Variants in GADD45B observed in about 807,000 individuals in gnomAD.
GADD45B encodes growth arrest and DNA damage inducible beta, also known as growth arrest and DNA damage-inducible protein GADD45 beta.
GADD45B carries 8 observed loss-of-function variants against 15.2 expected under a neutral mutation model. The ratio of observed to expected loss-of-function variants is 0.53; its 90% CI spans 0.31 to 0.95. The LOEUF (loss-of-function observed/expected upper bound fraction) is 0.95, where lower values mean the gene tolerates loss of function less well. GADD45B is among the 40% of genes least tolerant of loss of function. GADD45B has a pLI of 0.05. For missense variants in GADD45B, 162 were observed against 216.6 expected (o/e 0.75, Z 1.58); for synonymous variants, 100 against 89.8 (o/e 1.11, Z -0.64).
intron 2 of GADD45B, 189 bp from the exon 3 acceptor site, chr19:2,476,840 C>G (rs1181318996): frequency 3.3e-6 from 2 of 607,880 alleles, no homozygotes; most frequent in African/African-American, 3.7e-5. Context: ...GTGGGCCTGT[C>G]TCCCCCTACC....
intron 2 of GADD45B, 133 bp from the exon 3 acceptor site, chr19:2,476,896 C>A: frequency 1.6e-6 from 1 of 638,384 alleles, no homozygotes; most frequent in Non-Finnish European, 2.7e-6. Context: ...CCGTCACCAG[C>A]TTGCAGAGGC....
In GADD45B at chr19:2,477,078, G is replaced by C; in HGVS notation, c.196G>C (p.Glu66Gln). The C allele has an allele frequency of 6.2e-7, 1 of 1,614,028 alleles. No individual in the cohort carries two copies. ...CCTCTTGGCCATTGACGAGGAGGAG[G>C]AGGATGACATCGCCCTGCAAATCCA... is the stretch of plus-strand genomic sequence containing the variant. The part of the protein sequence containing the change: ...LCLLAIDEEE[E>Q]DDIALQIHFT... Residue 66 changes from glutamate (E) to glutamine (Q), a missense_variant, in exon 3 of 4, where the codon GAG becomes CAG. By Grantham distance (29) the Glu-to-Gln change is conservative. Transcript: ENST00000215631. The surrounding 1 kb of genome is among the most constrained non-coding windows in gnomAD (Gnocchi z 4.2).
In GADD45B at chr19:2,477,690, C is replaced by G; in HGVS notation, c.*89C>G. ...GAACCCCCTCCCCCCCAGCACAACCCCCCCAAAACAACCCAACCCACGAGG... is the reference window on the plus strand; with the variant it reads ...GAACCCCCTCCCCCCCAGCACAACCGCCCCAAAACAACCCAACCCACGAGG... On this transcript the variant is annotated 3_prime_UTR_variant, in exon 4 of 4. Coordinates refer to ENST00000215631, the MANE Select transcript of GADD45B (RefSeq NM_015675.4). This position sits in a 1 kb window ranked among gnomAD's most constrained non-coding sequence, Gnocchi z 4.2. 1 of 618,916 alleles carries G rather than the reference C, an allele frequency of 1.6e-6. No individual in the cohort carries two copies. The allele number at this position is 618,916 out of a possible 1,614,324, so 38.3% of individuals were successfully genotyped here. A position where few individuals can be genotyped will look rare whatever the true frequency, so the allele number is the denominator to read the frequency against.
chr19:2,477,276 C>A lies in GADD45B; in HGVS notation c.369+25C>A. On this transcript the variant is annotated intron_variant, in intron 3 of 3. Transcript: ENST00000215631. The surrounding 1 kb of genome is among the most constrained non-coding windows in gnomAD (Gnocchi z 4.2). ...GGTGAGTCGGGCCTCTGCCCTGCCCCGCCACGCCCGGGCACCTGGGCCGGT... is the reference window on the plus strand; with the variant it reads ...GGTGAGTCGGGCCTCTGCCCTGCCCAGCCACGCCCGGGCACCTGGGCCGGT... The A allele has an allele frequency of 6.9e-7, 1 of 1,457,776 alleles. No homozygotes were observed. Among genetic ancestry groups the A allele is most frequent in the Non-Finnish European group, 9.3e-7 (1 of 1,076,854 alleles). The allele number at this position is 1,457,776 out of a possible 1,614,324, so 90.3% of individuals were successfully genotyped here.
Position 2,476,999 on chromosome 19 carries a change from T to G in GADD45B, c.147-30T>G, listed in dbSNP as rs559990934. Reference sequence around the variant, plus strand: ...CGGTGGCCCCTCCCCTGTCCCCGGCTGACCCATCCCTACCCTTTGGCCCCC... The same window carrying G: ...CGGTGGCCCCTCCCCTGTCCCCGGCGGACCCATCCCTACCCTTTGGCCCCC... On this transcript the variant is annotated intron_variant, in intron 2 of 3. Transcript: ENST00000215631. 5 of 1,495,780 alleles carry G rather than the reference T, an allele frequency of 3.3e-6. 1 individual carries two copies. In the East Asian group the frequency reaches 1.1e-4, roughly 34 times the overall value. The allele number at this position is 1,495,780 out of a possible 1,614,324, so 92.7% of individuals were successfully genotyped here.
Position 2,477,205 on chromosome 19 carries a change from C to T in GADD45B, c.323C>T (p.Thr108Ile). 5 of 1,606,638 alleles carry T rather than the reference C, an allele frequency of 3.1e-6. No individual in the cohort carries two copies. Among genetic ancestry groups the T allele is most frequent in the Non-Finnish European group, 4.2e-6 (5 of 1,178,870 alleles). ...CAGCTCCTGGGAGAGCCGGCCGAGA[C>T]CCAGGGCACCACCGAGGCCCGAGAC... The part of the protein sequence containing the change: ...LAQLLGEPAE[T>I]QGTTEARDLH... The change falls in exon 3 of 4, where the codon ACC (threonine) becomes ATC (isoleucine). Residue 108 changes from threonine to isoleucine, a missense_variant. By Grantham distance (89) the Thr-to-Ile change is moderately conservative. Transcript: ENST00000215631. The surrounding 1 kb of genome is among the most constrained non-coding windows in gnomAD (Gnocchi z 4.2).
chr19:2,477,719 A>G lies in GADD45B; in HGVS notation c.*118A>G. On this transcript the variant is annotated 3_prime_UTR_variant, in exon 4 of 4. Transcript: ENST00000215631. This position sits in a 1 kb window ranked among gnomAD's most constrained non-coding sequence, Gnocchi z 4.2. ...CAAAACAACCCAACCCACGAGGACC[A>G]TCGGGGGCAGAGTCGTTGGAGACTG... 1 of 498,468 alleles carries G rather than the reference A, an allele frequency of 2.0e-6. No homozygotes were observed. The highest frequency in any genetic ancestry group is 3.7e-6 in the Non-Finnish European group (1 of 272,088). The allele number at this position is 498,468 out of a possible 1,614,324, so 30.9% of individuals were successfully genotyped here.
rs1411858425 is a variant in GADD45B at position 2,477,597 on chromosome 19, G to T, written c.479G>T (p.Arg160Leu). Residue 160 changes from arginine to leucine, a missense_variant, in exon 4 of 4, where the codon CGC (arginine) becomes CTC (leucine). Transcript: ENST00000215631. This position sits in a 1 kb window ranked among gnomAD's most constrained non-coding sequence, Gnocchi z 4.2. ...QWVPYISLQE[R>L] ...GTCCCCTACATCTCTCTTCAGGAAC[G>T]CTGAGGCCCTTCCCAGCAGCAGAAT... is the stretch of plus-strand genomic sequence containing the variant. 1 of 1,562,812 alleles carries T rather than the reference G, an allele frequency of 6.4e-7. No homozygotes were observed. Among genetic ancestry groups the T allele is most frequent in the Non-Finnish European group, 8.8e-7 (1 of 1,133,770 alleles).
intron 2 of GADD45B, 174 bp downstream of exon 2, chr19:2,476,804 T>C (rs1393145280): frequency 1.6e-6 from 1 of 612,258 alleles, no homozygotes; most frequent in Non-Finnish European, 2.9e-6. Flanking sequence ...TATCCTGATG[T>C]ATCGTCTGCA....
In GADD45B at chr19:2,477,538, C is replaced by T. The variant is rs777805528; in HGVS notation, c.420C>T (p.Ser140=). 6.8e-6 allele frequency: 11 copies of T among 1,613,770 alleles called. No individual in the cohort carries two copies. In the South Asian group the frequency reaches 1.2e-4, roughly 18 times the overall value. Residue 140 remains serine (S), a synonymous_variant, in exon 4 of 4, where the codon AGC becomes AGT. Transcript: ENST00000215631. This position sits in a 1 kb window ranked among gnomAD's most constrained non-coding sequence, Gnocchi z 4.2. ...WKSHGLVEVA[S]YCEESRGNNQ... ...GCCACGGCTTGGTGGAGGTGGCCAG[C>T]TACTGCGAAGAAAGCCGGGGCAACA...
chr19:2,477,061 C>G lies in GADD45B; in HGVS notation c.179C>G (p.Ala60Gly). The G allele has an allele frequency of 2.5e-6, 4 of 1,613,660 alleles. No individual in the cohort carries two copies. The highest frequency in any genetic ancestry group is 1.3e-5 in the African/African-American group (1 of 75,036). Residue 60 changes from alanine (A) to glycine (G), a missense_variant, in exon 3 of 4, where the codon GCC becomes GGC. Coordinates refer to ENST00000215631, the MANE Select transcript of GADD45B (RefSeq NM_015675.4). This position sits in a 1 kb window ranked among gnomAD's most constrained non-coding sequence, Gnocchi z 4.2. The part of the protein sequence containing the change: ...DPDSVVLCLL[A>G]IDEEEEDDIA... ...GACAGCGTGGTCCTCTGCCTCTTGG[C>G]CATTGACGAGGAGGAGGAGGATGAC...
chr19:2,476,599 G>C lies in GADD45B; in HGVS notation c.115G>C (p.Gly39Arg). The change falls in exon 2 of 4, where the codon GGG becomes CGG. Residue 39 changes from glycine (G) to arginine (R), a missense_variant. By Grantham distance (125) the Gly-to-Arg change is moderately radical. Coordinates refer to ENST00000215631, the MANE Select transcript of GADD45B (RefSeq NM_015675.4). ...AAQRQDRLTV[G>R]VYESAKLMNV... is the part of the protein sequence containing the mutation. The stretch of plus-strand genomic sequence containing the variant: ...TCAGCGCCAGGATCGCCTCACAGTG[G>C]GGGTGTACGAGTCGGCCAAGTTGAT... 5.7e-6 allele frequency: 9 copies of C among 1,591,314 alleles called. No homozygotes were observed. Among genetic ancestry groups the C allele is most frequent in the Non-Finnish European group, 7.7e-6 (9 of 1,166,512 alleles).
rs1297085736 is a variant in GADD45B at position 2,477,219 on chromosome 19, G to A, written c.337G>A (p.Glu113Lys). 3 of 1,599,624 alleles carry A rather than the reference G, an allele frequency of 1.9e-6. No individual in the cohort carries two copies. Among genetic ancestry groups the A allele is most frequent in the Non-Finnish European group, 2.6e-6 (3 of 1,176,296 alleles). Reference protein sequence around the residue: ...GEPAETQGTTEARDLHCLLVT... With the variant: ...GEPAETQGTTKARDLHCLLVT... The stretch of plus-strand genomic sequence containing the variant: ...GCCGGCCGAGACCCAGGGCACCACC[G>A]AGGCCCGAGACCTGCATTGTCTCCT... Residue 113 changes from glutamate to lysine, a missense_variant, in exon 3 of 4, where the codon GAG becomes AAG. By Grantham distance (56) the Glu-to-Lys change is moderately conservative. Transcript: ENST00000215631. The surrounding 1 kb of genome is among the most constrained non-coding windows in gnomAD (Gnocchi z 4.2).
chr19:2,477,455 G>C lies in GADD45B; in HGVS notation c.370-33G>C. ...CACACAGGGGCCCCGGGAGAGGGAGGCTCCACTAAACCCCTTCTTTTCCCT... is the reference window on the plus strand; with the variant it reads ...CACACAGGGGCCCCGGGAGAGGGAGCCTCCACTAAACCCCTTCTTTTCCCT... On this transcript the variant is annotated intron_variant, in intron 3 of 3. Transcript: ENST00000215631. This position sits in a 1 kb window ranked among gnomAD's most constrained non-coding sequence, Gnocchi z 4.2. 1 of 1,425,060 alleles carries C rather than the reference G, an allele frequency of 7.0e-7. No homozygotes were observed. The highest frequency in any genetic ancestry group is 1.2e-5 in the South Asian group (1 of 86,266). The allele number at this position is 1,425,060 out of a possible 1,614,324, so 88.3% of individuals were successfully genotyped here.
At chr19:2,476,917 A>T in intron 2 of GADD45B, 112 bp from the exon 3 acceptor site, 1 of 677,510 alleles carries the variant, frequency 1.5e-6, no homozygotes, top group Non-Finnish European at 2.5e-6. Context: ...AATCCCCTGC[A>T]CCCTTGCAGT....
In GADD45B at chr19:2,477,578, T is replaced by C; in HGVS notation, c.460T>C (p.Tyr154His). The C allele has an allele frequency of 3.7e-6, 6 of 1,606,916 alleles. No homozygotes were observed. The highest frequency in any genetic ancestry group is 5.1e-6 in the Non-Finnish European group (6 of 1,173,552). Reference sequence around the variant, plus strand: ...CCGGGGCAACAACCAGTGGGTCCCCTACATCTCTCTTCAGGAACGCTGAGG... The same window carrying C: ...CCGGGGCAACAACCAGTGGGTCCCCCACATCTCTCTTCAGGAACGCTGAGG... ...ESRGNNQWVP[Y>H]ISLQER The change falls in exon 4 of 4, where the codon TAC becomes CAC. Residue 154 changes from tyrosine to histidine, a missense_variant. Coordinates refer to ENST00000215631, the MANE Select transcript of GADD45B (RefSeq NM_015675.4). This position sits in a 1 kb window ranked among gnomAD's most constrained non-coding sequence, Gnocchi z 4.2.
At chr19:2,476,757 A>T (rs533308934) in intron 2 of GADD45B, 127 bp downstream of exon 2, 1 of 649,138 alleles carries the variant, frequency 1.5e-6, no homozygotes, top group African/African-American at 1.8e-5. Flanking sequence ...CTGTGGATGC[A>T]GAGCTTCTCT....
In GADD45B at chr19:2,477,636, G is replaced by A; in HGVS notation, c.*35G>A. On this transcript the variant is annotated 3_prime_UTR_variant, in exon 4 of 4. Transcript: ENST00000215631. The surrounding 1 kb of genome is among the most constrained non-coding windows in gnomAD (Gnocchi z 4.2). ...CAGCAGCAGAATCTGTTGAGTTGCT[G>A]CCACAAACAAAAAATACAATAAATA... The A allele has an allele frequency of 1.7e-6, 2 of 1,161,360 alleles. No homozygotes were observed. The highest frequency in any genetic ancestry group is 2.6e-6 in the Non-Finnish European group (2 of 774,712). 71.9% of individuals were successfully genotyped at this position (1,161,360 alleles called of 1,614,324 possible).
intron 1 of GADD45B, 46 bp downstream of exon 1, chr19:2,476,448 T>C: frequency 3.2e-6 from 5 of 1,562,918 alleles, no homozygotes; most frequent in Non-Finnish European, 4.4e-6. Flanking sequence ...CGGGACGGGA[T>C]GGGTCGGGTT....
Sources: gnomAD v4.1 joint callset for allele counts on GRCh38, gnomAD v4.1.1 for gene constraint, Gnocchi (gnomAD v3.1) non-coding constraint, MANE v1.5 for transcripts, NCBI Gene and HGNC (gene_info 2026-07-23, HGNC 2026-07-21) for gene names.